The following PVT1 variants were observed in gnomAD, a reference collection of about 807,000 sequenced individuals.
PVT1 encodes Pvt1 oncogene.
rs150177835 is a variant in PVT1, at chr8:127,899,466, G to A, written n.782+8468G>A. On this transcript the variant is annotated intron_variant and non_coding_transcript_variant, in intron 3 of 10. Coordinates refer to ENST00000651587, the Ensembl canonical transcript of PVT1. ...CAGGCAGTTCTTGGGACTTCTGTGA[G>A]TCTCTGGCTCCCCGTCTCTCAATGG... 3.3e-4 allele frequency among the ~76,000 whole-genome samples: 51 copies of A among 152,304 alleles called. No homozygotes were observed. The East Asian group carries it at 9.3e-3, about 28-fold the overall frequency.
In PVT1 at chr8:127,827,248, A is replaced by G. The variant is rs888792294; in HGVS notation, n.372+31177A>G. On this transcript the variant is annotated intron_variant and non_coding_transcript_variant, in intron 2 of 10. Coordinates refer to ENST00000651587, the Ensembl canonical transcript of PVT1. ...GACCTCAGGTGATCTGCCTGCCTCA[A>G]GCCTCCAAAAGTGCTGGGATTACAG... Among the ~76,000 whole-genome samples the G allele has an allele frequency of 2.0e-5, 3 of 151,890 alleles. No individual in the cohort carries two copies. The East Asian group carries it at 5.8e-4, about 29-fold the overall frequency.
intron 2 of PVT1, among the ~76,000 whole-genome samples, chr8:127,865,988 G>A (rs1815282823): frequency 6.6e-6 from 1 of 152,226 alleles, no homozygotes; most frequent in Non-Finnish European, 1.5e-5. Context: ...TTGCAGATCA[G>A]CGAGATAAAG....
At chr8:127,975,462 G>A (rs990775104) in intron 3 of PVT1, among the ~76,000 whole-genome samples, 1 of 152,156 alleles carries the variant, frequency 6.6e-6, no homozygotes, top group South Asian at 2.1e-4. Flanking sequence ...GACATTGGCT[G>A]CTCCTCCAGC....
intron 4 of PVT1, among the ~76,000 whole-genome samples, chr8:128,041,170 A>C (rs1563673063): frequency 7.5e-6 from 1 of 133,738 alleles, no homozygotes; most frequent in African/African-American, 2.9e-5. Flanking sequence ...GTGTTTCTGC[A>C]TGTGTTTGTG....
intron 3 of PVT1, among the ~76,000 whole-genome samples, chr8:127,973,713 T>C (rs953284327): frequency 6.8e-6 from 1 of 147,734 alleles, no homozygotes; most frequent in African/African-American, 2.5e-5. Flanking sequence ...ACACGGTGGC[T>C]CACACCTGTA....
At chr8:127,851,593 C>T (rs2129734350) in intron 2 of PVT1, among the ~76,000 whole-genome samples, 1 of 152,268 alleles carries the variant, frequency 6.6e-6, no homozygotes, top group South Asian at 2.1e-4. Context: ...GCCTCTTCTG[C>T]CTCCACTGTG....
chr8:127,889,541 A>G (rs1815573903), intron 2 of PVT1, among the ~76,000 whole-genome samples: 4 of 151,850 alleles, frequency 2.6e-5, no homozygotes. Flanking sequence ...TCGGTTAACA[A>G]TAATCTACAA....
intron 2 of PVT1, chr8:127,852,034 G>A (rs1055977886): frequency 1.3e-5 from 2 of 152,242 alleles, no homozygotes; most frequent in African/African-American, 4.8e-5. Context: ...AGCCAAACTG[G>A]CCTGTTGGCT....
chr8:128,086,833 G>A (rs943579035), intron 5 of PVT1, among the ~76,000 whole-genome samples: 2 of 152,178 alleles, frequency 1.3e-5, no homozygotes, highest in Admixed American at 1.3e-4. Context: ...TGGGCTGCAT[G>A]GCTGGCTCTC....
rs182702945 is a variant in PVT1 at position 127,893,453 on chromosome 8, G to A, written n.782+2455G>A. ...CACCATGCCTGGCTAATTTTTGTTG[G>A]CCAGGCTGGTCTTGAACTCCTGACT... is the stretch of plus-strand genomic sequence containing the variant. On this transcript the variant is annotated intron_variant and non_coding_transcript_variant, in intron 3 of 10. Coordinates refer to ENST00000651587, the Ensembl canonical transcript of PVT1. 7.6e-4 allele frequency among the ~76,000 whole-genome samples: 115 copies of A among 152,006 alleles called. No homozygotes were observed. The East Asian group carries it at 0.021, about 27-fold the overall frequency.
chr8:127,797,549 G>T (rs1046018509), intron 2 of PVT1, among the ~76,000 whole-genome samples: 1 of 152,138 alleles, frequency 6.6e-6, no homozygotes, highest in Non-Finnish European at 1.5e-5. Context: ...CTTTTGGAAT[G>T]CTGCCAAAAT....
At chr8:127,865,900 G>A (rs1815281814) in intron 2 of PVT1, among the ~76,000 whole-genome samples, 1 of 152,220 alleles carries the variant, frequency 6.6e-6, no homozygotes. Flanking sequence ...GCAAACCCTT[G>A]TTTGGGTGTG....
chr8:127,905,364 C>G (rs775723062), intron 3 of PVT1, among the ~76,000 whole-genome samples: 1 of 152,210 alleles, frequency 6.6e-6, no homozygotes, highest in Non-Finnish European at 1.5e-5. Context: ...GGATATAGAC[C>G]ACCTGTGTGG....
Position 127,896,120 on chromosome 8 carries a change from A to G in PVT1, n.782+5122A>G, listed in dbSNP as rs80205867. 3.3e-4 allele frequency among the ~76,000 whole-genome samples: 50 copies of G among 152,378 alleles called. No individual in the cohort carries two copies. The East Asian group carries it at 9.0e-3, about 28-fold the overall frequency. On this transcript the variant is annotated intron_variant and non_coding_transcript_variant, in intron 3 of 10. Transcript: ENST00000651587. ...TGCGCAGTGCTTTCATTAGGATTTT[A>G]CAGAAAACTTAGAAGATGGCCTTCA...
At chr8:127,937,580 C>CACACACAGAG (rs59006608) in intron 3 of PVT1, among the ~76,000 whole-genome samples, 16 of 107,860 alleles carry the variant, frequency 1.5e-4, no homozygotes, top group African/African-American at 4.4e-4. Flanking sequence ...CACACACACA[C>CACACACAGAG]AGAGAGAGAG....
chr8:127,854,388 A>G (rs777970227), intron 2 of PVT1, among the ~76,000 whole-genome samples: 10 of 152,162 alleles, frequency 6.6e-5, no homozygotes, highest in Non-Finnish European at 1.5e-4. Context: ...CTCAGCAGTG[A>G]GGCCTCTGAG....
chr8:128,046,577 G>T (rs1053363196), intron 4 of PVT1, among the ~76,000 whole-genome samples: 1 of 152,176 alleles, frequency 6.6e-6, no homozygotes, highest in African/African-American at 2.4e-5. Flanking sequence ...CTGTCATTCT[G>T]TTGCTCTGGA....
At chr8:127,950,738 C>T (rs1264809643) in intron 3 of PVT1, among the ~76,000 whole-genome samples, 5 of 152,196 alleles carry the variant, frequency 3.3e-5, no homozygotes, top group African/African-American at 1.2e-4. Context: ...TTCCCTCACA[C>T]TCAAGATTCA....
chr8:127,845,217 C>T (rs1417356593), intron 2 of PVT1, among the ~76,000 whole-genome samples: 1 of 152,160 alleles, frequency 6.6e-6, no homozygotes, highest in African/African-American at 2.4e-5. Context: ...CTGCCTAAAG[C>T]ACTGGCTTCA....
Sources: allele counts gnomAD v4.1 joint callset (sites outside exome capture counted in the v4.1 genomes callset), GRCh38; gene constraint gnomAD v4.1.1; transcripts MANE v1.5; gene names NCBI Gene and HGNC (gene_info 2026-07-23, HGNC 2026-07-21).